The following UBXN2B variants were observed in gnomAD, a reference collection of about 807,000 sequenced individuals.
UBXN2B encodes UBX domain-containing protein 2B.
In UBXN2B, 19 loss-of-function variants were observed where a neutral mutation model predicts 37.5. The ratio of observed to expected loss-of-function variants is 0.51; its 90% CI spans 0.35 to 0.74. The LOEUF is 0.74. Among genes scored for constraint, UBXN2B ranks in the 30% least tolerant of loss-of-function variants. The pLI is 0.01. For missense variants in UBXN2B, 370 were observed against 393.2 expected, an observed-to-expected ratio of 0.94 and a Z score of 0.50; for synonymous variants, 145 against 143.8, an observed-to-expected ratio of 1.01 and a Z score of -0.06.
At chr8:58,443,600 C>T (rs1226133908) in intron 6 of UBXN2B, among the ~76,000 whole-genome samples, 2 of 148,540 alleles carry the variant, frequency 1.3e-5, no homozygotes, top group African/African-American at 5.0e-5. Flanking sequence ...CAAGACCAGC[C>T]TGGCCAACAT....
intron 4 of UBXN2B, 24 bp from the exon 5 acceptor site, chr8:58,434,359 ATATATATATATT>A: frequency 3.7e-6 from 2 of 542,446 alleles, no homozygotes; most frequent in Non-Finnish European, 5.1e-6. Flanking sequence ...ATATATATAT[ATATATATATATT>A]TTTTTTTTTT....
chr8:58,434,909 C>A lies in UBXN2B; in HGVS notation c.533+405C>A, dbSNP rs1198599642. 2.0e-6 allele frequency: 3 copies of A among 1,535,570 alleles called. No individual in the cohort carries two copies. In the East Asian group the frequency reaches 7.3e-5, roughly 38 times the overall value. ...AAATTCAGCAACTTATGTTAGAAAT[C>A]TTTTAATGTGGCATTACTGCTGGCA... On this transcript the variant is annotated intron_variant, in intron 5 of 7. Transcript: ENST00000399598.
chr8:58,424,407 G>A (rs1243267041), intron 2 of UBXN2B, among the ~76,000 whole-genome samples: 1 of 152,208 alleles, frequency 6.6e-6, no homozygotes, highest in Non-Finnish European at 1.5e-5. Flanking sequence ...GTATTGTTGA[G>A]TTAAAATACA....
intron 2 of UBXN2B, among the ~76,000 whole-genome samples, chr8:58,429,546 T>C (rs1808193201): frequency 6.6e-6 from 1 of 152,216 alleles, no homozygotes; most frequent in Non-Finnish European, 1.5e-5. Context: ...GTCTCCTTGT[T>C]CTCCATCCTG....
chr8:58,416,466 CTATTT>C (rs1219962286), intron 1 of UBXN2B, among the ~76,000 whole-genome samples: 3 of 152,038 alleles, frequency 2.0e-5, no homozygotes, highest in East Asian at 1.9e-4. Context: ...CTGAATGAAA[CTATTT>C]TATGAGATCT....
intron 2 of UBXN2B, chr8:58,425,101 G>A (rs971227244): frequency 2.0e-5 from 16 of 794,154 alleles, no homozygotes; most frequent in Non-Finnish European, 3.0e-5. Flanking sequence ...TCCGTGGTCC[G>A]GCCAGGTCCA....
At chr8:58,416,508 A>G (rs1043602079) in intron 1 of UBXN2B, among the ~76,000 whole-genome samples, 1 of 152,178 alleles carries the variant, frequency 6.6e-6, no homozygotes, top group African/African-American at 2.4e-5. Flanking sequence ...GTTAGTGTGA[A>G]CATCTTCAGG....
intron 2 of UBXN2B, chr8:58,424,596 A>G (rs1808023885): frequency 9.0e-7 from 1 of 1,115,382 alleles, no homozygotes; most frequent in African/African-American, 1.5e-5. Context: ...TCTCATCTGA[A>G]ACTCTTCTGC....
intron 2 of UBXN2B, among the ~76,000 whole-genome samples, chr8:58,426,854 C>T (rs578097643): frequency 4.6e-5 from 7 of 152,344 alleles, no homozygotes; most frequent in African/African-American, 1.7e-4. Flanking sequence ...GGAGACTGTG[C>T]AGCCGCCCCC....
chr8:58,427,959 A>C (rs1161928999), intron 2 of UBXN2B, among the ~76,000 whole-genome samples: 1 of 152,252 alleles, frequency 6.6e-6, no homozygotes, highest in African/African-American at 2.4e-5. Flanking sequence ...GCAAAGAAAC[A>C]AACAATTTTG....
chr8:58,444,896 G>C (rs577812083), intron 6 of UBXN2B, among the ~76,000 whole-genome samples: 2 of 152,164 alleles, frequency 1.3e-5, no homozygotes, highest in Non-Finnish European at 2.9e-5. Flanking sequence ...TGAGAGAGAA[G>C]CTTTTTGAAT....
At chr8:58,445,678 T>G (rs1808649724) in intron 6 of UBXN2B, among the ~76,000 whole-genome samples, 1 of 152,150 alleles carries the variant, frequency 6.6e-6, no homozygotes, top group South Asian at 2.1e-4. Context: ...TGCTAAACAG[T>G]GATGAAGTTG....
At chr8:58,439,409 G>A (rs1397549761) in intron 5 of UBXN2B, among the ~76,000 whole-genome samples, 1 of 152,124 alleles carries the variant, frequency 6.6e-6, no homozygotes, top group African/African-American at 2.4e-5. Flanking sequence ...AGATAATTGT[G>A]ACAACCAAAG....
chr8:58,417,396 G>C (rs1223606178), intron 2 of UBXN2B, among the ~76,000 whole-genome samples: 1 of 152,174 alleles, frequency 6.6e-6, no homozygotes, highest in Non-Finnish European at 1.5e-5. Flanking sequence ...ACTCCATGGA[G>C]CCTCTGCAGG....
Position 58,430,618 on chromosome 8 carries a change from G to A in UBXN2B, c.288G>A (p.Gly96=), listed in dbSNP as rs370588052. Residue 96 remains glycine, a synonymous_variant, in exon 3 of 8, where the codon GGG becomes GGA. Coordinates refer to ENST00000399598, the MANE Select transcript of UBXN2B (RefSeq NM_001077619.2). ...TTTTCAAAGAGGCAAGGGAACATGG[G>A]GCTGTCCCTCTGAATGAAGCCACAA... ...NELFKEAREH[G]AVPLNEATRA... 28 of 1,599,234 alleles carry A rather than the reference G, an allele frequency of 1.8e-5. No individual in the cohort carries two copies. The highest frequency in any genetic ancestry group is 1.3e-4 in the African/African-American group (10 of 74,464).
In UBXN2B at chr8:58,449,410, C is replaced by CT. The variant is rs1383680685; in HGVS notation, c.*1860dup. ...ACAATCCATTATTACAGCATCAACT[C>CT]TAAATCCAAAATCTTATCTGAGTCT... On this transcript the variant is annotated 3_prime_UTR_variant, in exon 8 of 8. Coordinates refer to ENST00000399598, the MANE Select transcript of UBXN2B (RefSeq NM_001077619.2). 6.6e-6 allele frequency: 1 copy of CT among 151,636 alleles called. No homozygotes were observed. Among genetic ancestry groups the CT allele is most frequent in the Non-Finnish European group, 1.5e-5 (1 of 67,904 alleles). 9.4% of individuals were successfully genotyped at this position (151,636 alleles called of 1,614,324 possible).
Position 58,416,867 on chromosome 8 carries a change from G to C in UBXN2B, c.102G>C (p.Leu34Phe). The C allele has an allele frequency of 1.2e-6, 2 of 1,612,296 alleles. No homozygotes were observed. Among genetic ancestry groups the C allele is most frequent in the South Asian group, 2.2e-5 (2 of 90,936 alleles). ...ARDLQLALAELYEDEVKCKSS... is the reference protein window; with the variant it reads ...ARDLQLALAEFYEDEVKCKSS... ...TTATGTAGTTGGCCTTGGCAGAATT[G>C]TATGAAGATGAAGTGAAGTGCAAAT... The change falls in exon 2 of 8, where the codon TTG becomes TTC. Residue 34 changes from leucine (L) to phenylalanine (F), a missense_variant. By Grantham distance (22) the Leu-to-Phe change is conservative. Transcript: ENST00000399598.
Position 58,442,461 on chromosome 8 carries a change from A to G in UBXN2B, c.671+2691A>G, listed in dbSNP as rs114463328. ...AATTATTTACTGAGCAGGAAATAAA[A>G]AGAAGCAAGTAAAACAGAAATGAAA... On this transcript the variant is annotated intron_variant, in intron 6 of 7. Transcript: ENST00000399598. Among the ~76,000 whole-genome samples, 1,019 of 152,366 alleles carry G rather than the reference A, an allele frequency of 6.7e-3. 8 individuals are homozygous for G. The highest frequency in any genetic ancestry group is 0.023 in the African/African-American group (958 of 41,580).
intron 5 of UBXN2B, 101 bp from the exon 6 acceptor site, chr8:58,439,532 C>T: frequency 1.4e-6 from 2 of 1,404,264 alleles, no homozygotes; most frequent in East Asian, 2.5e-5. Flanking sequence ...GCAAAAAATT[C>T]TGTTTTCCAG....
Sources: gnomAD v4.1 joint callset for allele counts (sites outside exome capture counted in the v4.1 genomes callset) on GRCh38, gnomAD v4.1.1 for gene constraint, MANE v1.5 for transcripts, NCBI Gene and HGNC (gene_info 2026-07-23, HGNC 2026-07-21) for gene names.